Variants in TG observed in about 807,000 individuals in gnomAD.
The protein encoded by TG is thyroid hormones.
TG carries 270 observed loss-of-function variants against 324.7 expected under a neutral mutation model. That is an observed-to-expected ratio of 0.83 (90% CI 0.75 to 0.92). TG has a LOEUF of 0.92. Ranked by LOEUF, TG falls within the 40% of genes least tolerant of loss-of-function variation. TG has a pLI of 0.00. For missense variants in TG, 3,591 were observed against 3,456.4 expected (o/e 1.04, Z -0.98); for synonymous variants, 1,401 against 1,327.0 (o/e 1.06, Z -1.21).
chr8:132,980,171 AC>A (rs1830648890), intron 34 of TG, among the ~76,000 whole-genome samples: 1 of 152,092 alleles, frequency 6.6e-6, no homozygotes, highest in South Asian at 2.1e-4. Context: ...TAATAAGATG[AC>A]TGGTGGCTGG....
chr8:133,006,155 G>C (rs1387659442), intron 35 of TG, among the ~76,000 whole-genome samples: 3 of 152,222 alleles, frequency 2.0e-5, no homozygotes, highest in African/African-American at 7.2e-5. Flanking sequence ...GTTTCTCAGA[G>C]TAGTTAAGGG....
intron 28 of TG, 100 bp downstream of exon 28, chr8:132,961,173 A>G: frequency 8.4e-7 from 1 of 1,193,814 alleles, no homozygotes. Flanking sequence ...CTGTAGAGGA[A>G]TAGGTAGAGA....
At chr8:133,018,531 T>G (rs1269572248) in intron 38 of TG, among the ~76,000 whole-genome samples, 1 of 44,720 alleles carries the variant, frequency 2.2e-5, no homozygotes, top group Non-Finnish European at 5.0e-5. Flanking sequence ...AATTACAAGT[T>G]TTTTTTTTTT....
At chr8:132,937,632 CAT>C (rs1792332955) in intron 25 of TG, among the ~76,000 whole-genome samples, 1 of 152,128 alleles carries the variant, frequency 6.6e-6, no homozygotes, top group South Asian at 2.1e-4. Flanking sequence ...AATAACAAAA[CAT>C]AGGGATTATT....
At chr8:133,111,831 C>T (rs2958680) in intron 43 of TG, among the ~76,000 whole-genome samples, 84,646 of 152,142 alleles carry the variant, frequency 0.56, 25,284 homozygotes, top group African/African-American at 0.78. Context: ...AGACTTTTTT[C>T]CCCAATAATC....
chr8:132,906,810 T>A lies in TG; in HGVS notation c.3757T>A (p.Ser1253Thr), dbSNP rs1818755580. ...QQCQLLCRQG[S>T]WSVFPPGPLI... is the part of the protein sequence containing the mutation. ...GTGCCAATTGCTGTGCCGCCAGGGC[T>A]CCTGGAGCGTGTTTCCACCAGGGCC... Residue 1253 changes from serine to threonine, a missense_variant, in exon 17 of 48, where the codon TCC becomes ACC. Physicochemically the swap from Ser to Thr is moderately conservative, Grantham distance 58. Coordinates refer to ENST00000220616, the MANE Select transcript of TG (RefSeq NM_003235.5). The A allele has an allele frequency of 1.9e-6, 3 of 1,614,050 alleles. No individual in the cohort carries two copies. The highest frequency in any genetic ancestry group is 1.6e-4 in the Middle Eastern group (1 of 6,084).
rs187472271 is a variant in TG, at chr8:133,120,536, C to T, written c.7862+3820C>T. Among the ~76,000 whole-genome samples the T allele has an allele frequency of 7.2e-5, 11 of 152,282 alleles. No individual in the cohort carries two copies. The East Asian group carries it at 1.9e-3, about 27-fold the overall frequency. On this transcript the variant is annotated intron_variant, in intron 45 of 47. Coordinates refer to ENST00000220616, the MANE Select transcript of TG (RefSeq NM_003235.5). ...GTAGGTGCTAGGGAAGGATGCGTTC[C>T]GGCCTCTCTCTTAGCCCCTGGTGGC...
Position 133,115,799 on chromosome 8 carries a change from A to G in TG, c.7755-810A>G, listed in dbSNP as rs373852121. On this transcript the variant is annotated intron_variant, in intron 44 of 47. Transcript: ENST00000220616. ...TGGCTGGGGCCGCCTCTCTAAGCACATAGCCTGTGCGTCAGCACACGCAGG... is the reference window on the plus strand; with the variant it reads ...TGGCTGGGGCCGCCTCTCTAAGCACGTAGCCTGTGCGTCAGCACACGCAGG... 8.5e-5 allele frequency among the ~76,000 whole-genome samples: 13 copies of G among 152,198 alleles called. No homozygotes were observed. In the East Asian group the frequency reaches 1.5e-3, roughly 18 times the overall value.
At chr8:132,934,716 C>T (rs561254760) in intron 24 of TG, among the ~76,000 whole-genome samples, 5 of 152,312 alleles carry the variant, frequency 3.3e-5, no homozygotes, top group Admixed American at 2.0e-4. Flanking sequence ...CCCCTGTCCT[C>T]CAAAAATTCC....
At chr8:133,052,977 C>T (rs1840696824) in intron 41 of TG, among the ~76,000 whole-genome samples, 1 of 152,202 alleles carries the variant, frequency 6.6e-6, no homozygotes, top group Admixed American at 6.5e-5. Flanking sequence ...ATGGCCCCCA[C>T]ATATGAATGG....
In TG at chr8:133,095,030, G is replaced by T. The variant is rs889900498; in HGVS notation, c.7240-14G>T. On this transcript the variant is annotated splice_polypyrimidine_tract_variant and intron_variant, in intron 41 of 47. Coordinates refer to ENST00000220616, the MANE Select transcript of TG (RefSeq NM_003235.5). ...GATCTGAACCATCTGCCCTGAGCCT[G>T]CTTTCTCTTCCAGGGAGGCTCCGCA... is the stretch of plus-strand genomic sequence containing the variant. 6.2e-7 allele frequency: 1 copy of T among 1,613,018 alleles called. No homozygotes were observed. Among genetic ancestry groups the T allele is most frequent in the South Asian group, 1.1e-5 (1 of 91,026 alleles).
At chr8:132,995,554 T>C (rs2130795123) in intron 35 of TG, 1 of 984,252 alleles carries the variant, frequency 1.0e-6, no homozygotes, top group East Asian at 1.1e-4. Context: ...TGCCTCAGAA[T>C]TTCTATCGTT....
rs780703093 is a variant in TG at position 132,933,685 on chromosome 8, G to A, written c.4932+9G>A. 1.9e-6 allele frequency: 3 copies of A among 1,612,880 alleles called. No homozygotes were observed. Among genetic ancestry groups the A allele is most frequent in the Admixed American group, 1.7e-5 (1 of 60,026 alleles). ...GCATGACTTCTGACCAGGTGAGGTGGGGCAGCCACGTGTGGTTCTGCTCCT... is the reference window on the plus strand; with the variant it reads ...GCATGACTTCTGACCAGGTGAGGTGAGGCAGCCACGTGTGGTTCTGCTCCT... On this transcript the variant is annotated intron_variant, in intron 24 of 47. Coordinates refer to ENST00000220616, the MANE Select transcript of TG (RefSeq NM_003235.5).
At chr8:132,974,526 G>C (rs928466178) in intron 34 of TG, among the ~76,000 whole-genome samples, 11 of 152,190 alleles carry the variant, frequency 7.2e-5, no homozygotes, top group African/African-American at 2.7e-4. Context: ...GTAGGAAACA[G>C]AGGCAGGCTT....
intron 43 of TG, chr8:133,102,878 G>C: frequency 3.0e-6 from 1 of 333,386 alleles, no homozygotes; most frequent in Non-Finnish European, 5.8e-6. Context: ...GCCTCGTCTG[G>C]GAGCAGGTGG....
chr8:133,123,814 C>T (rs1404901289), intron 45 of TG, among the ~76,000 whole-genome samples: 1 of 152,222 alleles, frequency 6.6e-6, no homozygotes, highest in Admixed American at 6.5e-5. Context: ...AAGGGCTCTG[C>T]CACTTTCTAT....
intron 41 of TG, among the ~76,000 whole-genome samples, chr8:133,068,285 T>A (rs1433221066): frequency 6.6e-6 from 1 of 152,198 alleles, no homozygotes; most frequent in Non-Finnish European, 1.5e-5. Context: ...CTGACCCACA[T>A]GTCCAGGAGC....
rs1836490705 is a variant in TG, at chr8:133,030,121, G to T, written c.7239+98G>T. 6.2e-6 allele frequency: 9 copies of T among 1,448,506 alleles called. No homozygotes were observed. In the Admixed American group the frequency reaches 1.4e-4, roughly 22 times the overall value. 89.7% of individuals were successfully genotyped at this position (1,448,506 alleles called of 1,614,324 possible). A position where few individuals can be genotyped will look rare whatever the true frequency, so the allele number is the denominator to read the frequency against. On this transcript the variant is annotated intron_variant, in intron 41 of 47. Transcript: ENST00000220616. ...AAGTCTAGTTGGCTTCAATTGCTTG[G>T]GTTTCCCTTGTCCTTTGTCCTGAGT...
chr8:133,076,455 C>T (rs542169552), intron 41 of TG, among the ~76,000 whole-genome samples: 2 of 152,168 alleles, frequency 1.3e-5, no homozygotes, highest in African/African-American at 4.8e-5. Context: ...TGAAAACACC[C>T]GCTCAAGAAG....
Sources: allele counts gnomAD v4.1 joint callset (sites outside exome capture counted in the v4.1 genomes callset), GRCh38; gene constraint gnomAD v4.1.1; transcripts MANE v1.5; gene names NCBI Gene and HGNC (gene_info 2026-07-23, HGNC 2026-07-21).